Variants in ZNF618 observed in about 807,000 individuals in gnomAD.
ZNF618 encodes zinc finger protein 618.
Under a neutral mutation model 103.0 loss-of-function variants are expected in ZNF618, and 34 were observed. The ratio of observed to expected loss-of-function variants is 0.33; its 90% CI spans 0.25 to 0.44. The LOEUF (loss-of-function observed/expected upper bound fraction) is 0.44, where lower values mean the gene tolerates loss of function less well. Ranked by LOEUF, ZNF618 falls within the 20% of genes least tolerant of loss-of-function variation. The pLI is 1.00. For missense variants in ZNF618, 1,059 were observed against 1,295.4 expected (o/e 0.82, Z 2.80); for synonymous variants, 551 against 542.2 (o/e 1.02, Z -0.23).
chr9:113,878,072 T>G (rs1828125993), intron 1 of ZNF618, among the ~76,000 whole-genome samples: 1 of 152,080 alleles, frequency 6.6e-6, no homozygotes, highest in Non-Finnish European at 1.5e-5. Context: ...TCAGGCCTCT[T>G]TGATTGTGAT....
At chr9:113,909,134 C>T (rs1432236166) in intron 1 of ZNF618, among the ~76,000 whole-genome samples, 2 of 152,034 alleles carry the variant, frequency 1.3e-5, no homozygotes, top group African/African-American at 4.8e-5. Flanking sequence ...CACTCTCTCT[C>T]TCTCTGAGCT....
In ZNF618 at chr9:113,893,270, G is replaced by A. The variant is rs143782150; in HGVS notation, c.33+16857G>A. On this transcript the variant is annotated intron_variant, in intron 1 of 14. Coordinates refer to ENST00000374126, the MANE Select transcript of ZNF618 (RefSeq NM_001318042.2). The stretch of plus-strand genomic sequence containing the variant: ...GTCCTGTTCAAAACATGCTATGGAC[G>A]TGCCAGTATCTTTCCCTAGGGACTA... 7.2e-3 allele frequency among the ~76,000 whole-genome samples: 1,102 copies of A among 152,306 alleles called. 12 individuals carry two copies. Among genetic ancestry groups the A allele is most frequent in the Non-Finnish European group, 9.3e-3 (634 of 68,030 alleles).
rs145342829 is a variant in ZNF618, at chr9:113,911,575, C to T, written c.33+35162C>T. Among the ~76,000 whole-genome samples the T allele has an allele frequency of 6.4e-3, 973 of 151,394 alleles. 17 individuals are homozygous for T. Among genetic ancestry groups the T allele is most frequent in the African/African-American group, 0.023 (944 of 41,262 alleles). On this transcript the variant is annotated intron_variant, in intron 1 of 14. Transcript: ENST00000374126. ...AGCTCCTGACCTCAGGTGATCCGCC[C>T]GCCTTGGCCTCCCAACGTGCTGGGA...
At chr9:113,893,729 A>G (rs1829805187) in intron 1 of ZNF618, among the ~76,000 whole-genome samples, 1 of 152,160 alleles carries the variant, frequency 6.6e-6, no homozygotes, top group Non-Finnish European at 1.5e-5. Context: ...TTTTCCACTT[A>G]TAAAATTATA....
intron 1 of ZNF618, among the ~76,000 whole-genome samples, chr9:113,893,135 A>T (rs762736651): frequency 2.0e-5 from 3 of 152,240 alleles, no homozygotes; most frequent in Non-Finnish European, 4.4e-5. Flanking sequence ...ACTGGCATCA[A>T]TGCCATTATA....
At chr9:113,901,357 G>C (rs556273653) in intron 1 of ZNF618, among the ~76,000 whole-genome samples, 2 of 152,308 alleles carry the variant, frequency 1.3e-5, no homozygotes, top group Admixed American at 1.3e-4. Context: ...TGTTGCTCTC[G>C]CCCTTCTCTG....
chr9:113,933,082 C>T (rs1401317813), intron 1 of ZNF618, among the ~76,000 whole-genome samples: 4 of 152,084 alleles, frequency 2.6e-5, no homozygotes, highest in Non-Finnish European at 4.4e-5. Flanking sequence ...TCAAGCATGT[C>T]AGCTAAGATG....
chr9:114,036,248 G>A, intron 12 of ZNF618, 52 bp from the exon 13 acceptor site: 1 of 1,518,956 alleles, frequency 6.6e-7, no homozygotes, highest in Non-Finnish European at 8.9e-7. Context: ...CCCAGCAGAA[G>A]GTGTCTGCGT....
intron 1 of ZNF618, among the ~76,000 whole-genome samples, chr9:113,917,831 A>G (rs1333408184): frequency 6.6e-6 from 1 of 152,154 alleles, no homozygotes; most frequent in Non-Finnish European, 1.5e-5. Flanking sequence ...ATACACTTTC[A>G]CCTAGCTTCC....
chr9:114,027,341 T>G (rs1843602580), intron 10 of ZNF618, among the ~76,000 whole-genome samples: 1 of 152,172 alleles, frequency 6.6e-6, no homozygotes, highest in African/African-American at 2.4e-5. Context: ...GATTTGTTTC[T>G]GGGGCTGGGG....
At chr9:113,883,985 C>G (rs75780594) in intron 1 of ZNF618, among the ~76,000 whole-genome samples, 693 of 8,058 alleles carry the variant, frequency 0.086, 38 homozygotes, top group Non-Finnish European at 0.19. Flanking sequence ...GGGCTTGGCC[C>G]CCCCCCCCCC....
chr9:114,011,043 A>ACTG lies in ZNF618; in HGVS notation c.754+2489_754+2490insCTG, dbSNP rs1168515567. On this transcript the variant is annotated intron_variant, in intron 9 of 14. Coordinates refer to ENST00000374126, the MANE Select transcript of ZNF618 (RefSeq NM_001318042.2). ...CTCACCAAGCACCTGGCTCATATCC[A>ACTG]AGGTGTAGGGAGACCTGTTACTGAG... is the stretch of plus-strand genomic sequence containing the variant. Among the ~76,000 whole-genome samples, 5 of 152,304 alleles carry ACTG rather than the reference A, an allele frequency of 3.3e-5. No individual in the cohort carries two copies. The South Asian group carries it at 1.0e-3, about 32-fold the overall frequency.
intron 1 of ZNF618, among the ~76,000 whole-genome samples, chr9:113,951,493 GTA>G (rs367952962): frequency 7.8e-5 from 4 of 51,284 alleles, no homozygotes; most frequent in African/African-American, 1.9e-4. Flanking sequence ...ATATATGTGT[GTA>G]TGTGTACACA....
At chr9:113,884,231 T>G (rs1828831900) in intron 1 of ZNF618, among the ~76,000 whole-genome samples, 2 of 152,150 alleles carry the variant, frequency 1.3e-5, no homozygotes, top group Admixed American at 6.5e-5. Flanking sequence ...AGCACCAGTT[T>G]GACATTTCCA....
In ZNF618 at chr9:113,998,259, AT is replaced by A; in HGVS notation, c.339del (p.Asp113GlufsTer28). On this transcript the variant is annotated frameshift_variant and splice_region_variant, in exon 4 of 15. Coordinates refer to ENST00000374126, the MANE Select transcript of ZNF618 (RefSeq NM_001318042.2). LOFTEE classifies it high-confidence loss of function. ...IGGVRNQQTL[D>X]GKAPEGSPHG... ...CTTTCTGATTTCTTACGTAATTCAGATGGAAAAGCGCCCGAAGGCAGCCCCC... is the reference window on the plus strand; with the variant it reads ...CTTTCTGATTTCTTACGTAATTCAGAGGAAAAGCGCCCGAAGGCAGCCCCC... 1 of 1,550,576 alleles carries A rather than the reference AT, an allele frequency of 6.4e-7. No individual in the cohort carries two copies. Among genetic ancestry groups the A allele is most frequent in the Non-Finnish European group, 8.7e-7 (1 of 1,146,984 alleles).
intron 1 of ZNF618, among the ~76,000 whole-genome samples, chr9:113,924,731 C>A (rs551082758): frequency 6.6e-6 from 1 of 151,872 alleles, no homozygotes; most frequent in South Asian, 2.1e-4. Flanking sequence ...TTTTCATTTT[C>A]GCTTAGTTCA....
At chr9:114,022,984 A>G (rs534304050) in intron 10 of ZNF618, among the ~76,000 whole-genome samples, 3 of 152,170 alleles carry the variant, frequency 2.0e-5, no homozygotes, top group African/African-American at 7.2e-5. Flanking sequence ...TTTGCATAGT[A>G]TATCTCTTTT....
intron 1 of ZNF618, among the ~76,000 whole-genome samples, chr9:113,883,066 CATAA>C (rs982450216): frequency 2.0e-5 from 3 of 152,224 alleles, no homozygotes; most frequent in Non-Finnish European, 4.4e-5. Context: ...GCAGCAGCTC[CATAA>C]ATATTTGATG....
At chr9:113,992,484 C>T (rs1840166295) in intron 3 of ZNF618, among the ~76,000 whole-genome samples, 1 of 152,188 alleles carries the variant, frequency 6.6e-6, no homozygotes, top group Admixed American at 6.5e-5. Flanking sequence ...GCCCCTGCTG[C>T]AGTGTGCATT....
Sources: allele counts gnomAD v4.1 joint callset (sites outside exome capture counted in the v4.1 genomes callset), GRCh38; gene constraint gnomAD v4.1.1; transcripts MANE v1.5; gene names NCBI Gene and HGNC (gene_info 2026-07-23, HGNC 2026-07-21).